The following PIK3R2 variants were observed in gnomAD, a reference collection of about 807,000 sequenced individuals.
PIK3R2 encodes phosphatidylinositol 3-kinase regulatory subunit beta.
In PIK3R2, 40 loss-of-function variants were observed where a neutral mutation model predicts 78.5. The ratio of observed to expected loss-of-function variants is 0.51; its 90% CI spans 0.40 to 0.66. The LOEUF (loss-of-function observed/expected upper bound fraction) is 0.66, where lower values mean the gene tolerates loss of function less well. Ranked by LOEUF, PIK3R2 falls within the 30% of genes least tolerant of loss-of-function variation. PIK3R2 has a pLI of 0.00. For synonymous variants in PIK3R2, 473 were observed against 457.7 expected (o/e 1.03, Z -0.43); for missense variants, 880 against 1,026.6 (o/e 0.86, Z 1.95).
chr19:18,157,167 G>A (rs562075392), intron 2 of PIK3R2, among the ~76,000 whole-genome samples: 6 of 152,322 alleles, frequency 3.9e-5, no homozygotes, highest in East Asian at 3.9e-4. Context: ...AGCGCAGGGC[G>A]GAATAGGGGG....
At position 18,160,475 on chromosome 19, in the gene PIK3R2, C is replaced by T. The variant is rs767160207; in HGVS notation, c.327C>T (p.Leu109=). The T allele has an allele frequency of 6.8e-6, 11 of 1,610,512 alleles. No homozygotes were observed. Among genetic ancestry groups the T allele is most frequent in the Middle Eastern group, 1.6e-4 (1 of 6,072 alleles). ...CCCCCCTGTTTCCCCCACCAGGCCT[C>T]ACACTCCCCGACTTGCCCGAGCAGT... is the stretch of plus-strand genomic sequence containing the variant. ...RPRDGAPEPG[L]TLPDLPEQFS... The change falls in exon 3 of 16, where the codon CTC becomes CTT. Residue 109 remains leucine (L), a synonymous_variant. Transcript: ENST00000222254.
In PIK3R2 at chr19:18,155,874, G is replaced by T. The variant is rs568370467; in HGVS notation, c.-6G>T. On this transcript the variant is annotated 5_prime_UTR_variant, in exon 2 of 16. Transcript: ENST00000222254. ...ACCATCCAGACCCCACCCCACTCAC[G>T]CGGCCATGGCGGGCCCTGAGGGCTT... 2 of 1,537,356 alleles carry T rather than the reference G, an allele frequency of 1.3e-6. No homozygotes were observed. Among genetic ancestry groups the T allele is most frequent in the Non-Finnish European group, 1.8e-6 (2 of 1,140,676 alleles).
At position 18,159,877 on chromosome 19, in the gene PIK3R2, G is replaced by A. The variant is rs560218619; in HGVS notation, c.323-594G>A. On this transcript the variant is annotated intron_variant, in intron 2 of 15. Coordinates refer to ENST00000222254, the MANE Select transcript of PIK3R2 (RefSeq NM_005027.4). ...CTGCCTCAACCTCCCGAGTAGCTGG[G>A]ATTACAGGCACCCACCACCACGCCC... Among the ~76,000 whole-genome samples, 18 of 152,244 alleles carry A rather than the reference G, an allele frequency of 1.2e-4. No homozygotes were observed. In the South Asian group the frequency reaches 1.9e-3, roughly 16 times the overall value.
chr19:18,156,289 C>T lies in PIK3R2; in HGVS notation c.322+88C>T, dbSNP rs2043679479. On this transcript the variant is annotated intron_variant, in intron 2 of 15. Transcript: ENST00000222254. This position sits in a 1 kb window ranked among gnomAD's most constrained non-coding sequence, Gnocchi z 4.2. The stretch of plus-strand genomic sequence containing the variant: ...CTGTCCAGTGAGGCAATGGGATCTC[C>T]AAGGAAGGAGGAAAAAGGACATTTG... 2.8e-6 allele frequency: 3 copies of T among 1,064,962 alleles called. No homozygotes were observed. In the Admixed American group the frequency reaches 9.5e-5, roughly 34 times the overall value. The allele number at this position is 1,064,962 out of a possible 1,614,324, so 66.0% of individuals were successfully genotyped here.
At chr19:18,162,739 A>T (rs2043763536) in intron 9 of PIK3R2, 2 of 602,866 alleles carry the variant, frequency 3.3e-6, no homozygotes, top group African/African-American at 1.9e-5. Context: ...TAAAAAAAAA[A>T]ATTAGCCAGG....
intron 11 of PIK3R2, among the ~76,000 whole-genome samples, chr19:18,164,839 T>C (rs2043790704): frequency 6.7e-6 from 1 of 148,858 alleles, no homozygotes; most frequent in Non-Finnish European, 1.5e-5. Flanking sequence ...TTTTGCTGTG[T>C]TGGCCAGGCT....
In PIK3R2 at chr19:18,170,016, C is replaced by A. The variant is rs1050433082; in HGVS notation, c.*722C>A. ...TTGAGGTCGGGAGTTGGAGGCCAGCCTGGCCAAAATGGCAAAACCCCGCAT... is the reference window on the plus strand; with the variant it reads ...TTGAGGTCGGGAGTTGGAGGCCAGCATGGCCAAAATGGCAAAACCCCGCAT... On this transcript the variant is annotated 3_prime_UTR_variant, in exon 16 of 16. Coordinates refer to ENST00000222254, the MANE Select transcript of PIK3R2 (RefSeq NM_005027.4). The A allele has an allele frequency of 1.1e-5, 2 of 175,968 alleles. No homozygotes were observed. The highest frequency in any genetic ancestry group is 4.7e-5 in the African/African-American group (2 of 42,206). The allele number at this position is 175,968 out of a possible 1,614,324, so 10.9% of individuals were successfully genotyped here.
chr19:18,163,338 AAG>A lies in PIK3R2; in HGVS notation c.1369_1370del (p.Ser457ProfsTer4), dbSNP rs2043772718. 6.2e-7 allele frequency: 1 copy of A among 1,613,992 alleles called. No homozygotes were observed. On this transcript the variant is annotated frameshift_variant, in exon 11 of 16. Coordinates refer to ENST00000222254, the MANE Select transcript of PIK3R2 (RefSeq NM_005027.4). LOFTEE classifies it high-confidence loss of function. The part of the protein sequence containing the change: ...LKVYHQQYQD[K>X]SREYDQLYEE... The stretch of plus-strand genomic sequence containing the variant: ...GGTCTATCACCAGCAGTACCAGGAC[AAG>A]AGCCGCGAGTATGACCAGCTTTATG...
intron 9 of PIK3R2, 185 bp downstream of exon 9, chr19:18,162,691 C>G: frequency 1.6e-6 from 1 of 616,800 alleles, no homozygotes; most frequent in Admixed American, 3.0e-5. Context: ...TAAAACCAGC[C>G]TGGCCAACAT....
Position 18,155,596 on chromosome 19 carries a change from G to T in PIK3R2, c.-284G>T. 2.0e-6 allele frequency: 1 copy of T among 506,806 alleles called. No individual in the cohort carries two copies. Among genetic ancestry groups the T allele is most frequent in the Non-Finnish European group, 3.4e-6 (1 of 289,942 alleles). 31.4% of individuals were successfully genotyped at this position (506,806 alleles called of 1,614,324 possible). A position where few individuals can be genotyped will look rare whatever the true frequency, so the allele number is the denominator to read the frequency against. On this transcript the variant is annotated 5_prime_UTR_variant, in exon 2 of 16. Coordinates refer to ENST00000222254, the MANE Select transcript of PIK3R2 (RefSeq NM_005027.4). ...TGAGCGGCCTGCCCCAGCCTCACCT[G>T]CTGATGGAGGACTCAATGGCCCAGT...
In PIK3R2 at chr19:18,167,333, C is replaced by T. The variant is rs757114496; in HGVS notation, c.1736+27C>T. ...TAAGTGGCGGCTCCATACTTCCCTG[C>T]GGCTCCCTGGCGACTGCTGCGGCAC... On this transcript the variant is annotated intron_variant, in intron 13 of 15. Transcript: ENST00000222254. The surrounding 1 kb of genome is among the most constrained non-coding windows in gnomAD (Gnocchi z 4.5). The T allele has an allele frequency of 3.0e-5, 46 of 1,523,294 alleles. No individual in the cohort carries two copies. The East Asian group carries it at 3.8e-4, about 12-fold the overall frequency. The allele number at this position is 1,523,294 out of a possible 1,614,324, so 94.4% of individuals were successfully genotyped here.
rs2043680528 is a variant in PIK3R2, at chr19:18,156,446, T to A, written c.322+245T>A. 1.3e-5 allele frequency among the ~76,000 whole-genome samples: 2 copies of A among 152,108 alleles called. No individual in the cohort carries two copies. Among genetic ancestry groups the A allele is most frequent in the Middle Eastern group, 3.4e-3 (1 of 294 alleles). ...TGACACATGCCATGAGGAAGGGGGC[T>A]TGCGTGGGAAGATGCGAGGGTGGAA... On this transcript the variant is annotated intron_variant, in intron 2 of 15. Coordinates refer to ENST00000222254, the MANE Select transcript of PIK3R2 (RefSeq NM_005027.4). This position sits in a 1 kb window ranked among gnomAD's most constrained non-coding sequence, Gnocchi z 4.2.
Position 18,169,422 on chromosome 19 carries a change from T to G in PIK3R2, c.*128T>G, listed in dbSNP as rs1053001474. 2.4e-6 allele frequency: 1 copy of G among 408,356 alleles called. No individual in the cohort carries two copies. The highest frequency in any genetic ancestry group is 2.1e-5 in the African/African-American group (1 of 47,146). 25.3% of individuals were successfully genotyped at this position (408,356 alleles called of 1,614,324 possible). A position where few individuals can be genotyped will look rare whatever the true frequency, so the allele number is the denominator to read the frequency against. ...CATTTCTCCGGCTCTGGCTCTTGTT[T>G]GGGGTTCTCTCACCCTCTTTCTCTT... is the stretch of plus-strand genomic sequence containing the variant. On this transcript the variant is annotated 3_prime_UTR_variant, in exon 16 of 16. Transcript: ENST00000222254.
Position 18,155,774 on chromosome 19 carries a change from C to T in PIK3R2, c.-106C>T. On this transcript the variant is annotated 5_prime_UTR_variant, in exon 2 of 16. Coordinates refer to ENST00000222254, the MANE Select transcript of PIK3R2 (RefSeq NM_005027.4). ...ACTGCTGGAGATAGAGGTCCCAGCA[C>T]CCCAAGCCAACCCAGCGGACCCTCC... The T allele has an allele frequency of 9.4e-7, 1 of 1,066,218 alleles. No individual in the cohort carries two copies. The highest frequency in any genetic ancestry group is 1.3e-6 in the Non-Finnish European group (1 of 763,748). The allele number at this position is 1,066,218 out of a possible 1,614,324, so 66.0% of individuals were successfully genotyped here.
At position 18,169,476 on chromosome 19, in the gene PIK3R2, CCTCT is replaced by C; in HGVS notation, c.*183_*186del. On this transcript the variant is annotated 3_prime_UTR_variant, in exon 16 of 16. Coordinates refer to ENST00000222254, the MANE Select transcript of PIK3R2 (RefSeq NM_005027.4). ...TTCCCTCCCCCATTCTCCAGATCTCCCTCTGTCTCCTTTTCTCTGTCTTTCTTGG... is the reference window on the plus strand; with the variant it reads ...TTCCCTCCCCCATTCTCCAGATCTCCGTCTCCTTTTCTCTGTCTTTCTTGG... The C allele has an allele frequency of 2.8e-6, 1 of 358,002 alleles. No homozygotes were observed. The highest frequency in any genetic ancestry group is 5.0e-6 in the Non-Finnish European group (1 of 199,088). 22.2% of individuals were successfully genotyped at this position (358,002 alleles called of 1,614,324 possible).
chr19:18,160,608 C>T (rs370166849), intron 3 of PIK3R2, 45 bp downstream of exon 3: 18 of 1,439,110 alleles, frequency 1.3e-5, no homozygotes, highest in East Asian at 1.2e-4. Flanking sequence ...GCTTGCTTAC[C>T]TCTAGTGACA....
rs781445775 is a variant in PIK3R2 at position 18,168,829 on chromosome 19, G to A, written c.1912G>A (p.Gly638Ser). Residue 638 changes from glycine to serine, a missense_variant, in exon 15 of 16, where the codon GGC becomes AGC. Physicochemically the swap from Gly to Ser is moderately conservative, Grantham distance 56. Transcript: ENST00000222254. This position sits in a 1 kb window ranked among gnomAD's most constrained non-coding sequence, Gnocchi z 4.1. ...CACGCAGGCAGAGGAGATGCTGAGT[G>A]GCAAGCGGGATGGCACCTTCCTCAT... ...NRTQAEEMLS[G>S]KRDGTFLIRE... The A allele has an allele frequency of 1.2e-6, 2 of 1,613,598 alleles. No homozygotes were observed. The highest frequency in any genetic ancestry group is 1.3e-5 in the African/African-American group (1 of 74,904).
rs1165873605 is a variant in PIK3R2, at chr19:18,170,296, A to G, written c.*1002A>G. 6.6e-6 allele frequency: 1 copy of G among 152,252 alleles called. No homozygotes were observed. Among genetic ancestry groups the G allele is most frequent in the Admixed American group, 6.5e-5 (1 of 15,284 alleles). The allele number at this position is 152,252 out of a possible 1,614,324, so 9.4% of individuals were successfully genotyped here. A position where few individuals can be genotyped will look rare whatever the true frequency, so the allele number is the denominator to read the frequency against. ...CCGTACTGGTGCCGCCGCAGTGGCC[A>G]AGTTGCGACACTGCCCACGGCCCCT... On this transcript the variant is annotated 3_prime_UTR_variant, in exon 16 of 16. Transcript: ENST00000222254.
At position 18,168,945 on chromosome 19, in the gene PIK3R2, C is replaced by T. The variant is rs1238071515; in HGVS notation, c.1979+49C>T. ...ATTCCCGCGTCCCTCCCAGAGCTCT[C>T]ATTGAATGCCTGCCGCGTGCCAGGC... On this transcript the variant is annotated intron_variant, in intron 15 of 15. Transcript: ENST00000222254. This position sits in a 1 kb window ranked among gnomAD's most constrained non-coding sequence, Gnocchi z 4.1. 4 of 1,580,970 alleles carry T rather than the reference C, an allele frequency of 2.5e-6. No individual in the cohort carries two copies. In the African/African-American group the frequency reaches 4.0e-5, roughly 16 times the overall value.
Sources: allele counts gnomAD v4.1 joint callset (sites outside exome capture counted in the v4.1 genomes callset), GRCh38; gene constraint gnomAD v4.1.1; non-coding constraint Gnocchi (gnomAD v3.1); transcripts MANE v1.5; gene names NCBI Gene and HGNC (gene_info 2026-07-23, HGNC 2026-07-21).